Variants in DOCK1 observed in about 807,000 individuals in gnomAD.
The protein encoded by DOCK1 is dedicator of cytokinesis protein 1.
DOCK1 carries 138 observed loss-of-function variants against 262.7 expected under a neutral mutation model. The ratio of observed to expected loss-of-function variants is 0.53; its 90% CI spans 0.46 to 0.61. DOCK1 has a LOEUF of 0.61. Ranked by LOEUF, DOCK1 falls within the 20% of genes least tolerant of loss-of-function variation. The pLI is 0.00. For synonymous variants in DOCK1, 866 were observed against 867.4 expected (o/e 1.00, Z 0.03); for missense variants, 1,908 against 2,370.7 (o/e 0.80, Z 4.05).
At chr10:126,959,466 A>G (rs934357977) in intron 1 of DOCK1, among the ~76,000 whole-genome samples, 8,995 of 152,278 alleles carry the variant, frequency 0.059, 306 homozygotes, top group African/African-American at 0.078. Flanking sequence ...ATGAGAATTT[A>G]TGATTTGTGG....
chr10:126,951,839 C>T (rs2036276574), intron 1 of DOCK1, among the ~76,000 whole-genome samples: 2 of 137,758 alleles, frequency 1.5e-5, no homozygotes. Context: ...TGTAACTTTA[C>T]TTCAGCCTCT....
At chr10:127,195,856 G>T (rs1350928579) in intron 27 of DOCK1, 1 of 152,388 alleles carries the variant, frequency 6.6e-6, no homozygotes, top group Admixed American at 6.5e-5. Context: ...CCCGGGAGCC[G>T]CCGAGTTTCC....
intron 1 of DOCK1, among the ~76,000 whole-genome samples, chr10:126,934,844 C>T (rs904265889): frequency 4.9e-4 from 69 of 141,256 alleles, no homozygotes; most frequent in African/African-American, 1.6e-3. Context: ...AGGCCGGGTG[C>T]GGTGGCTCAC....
rs73378484 is a variant in DOCK1 at position 127,130,470 on chromosome 10, G to T, written c.2847+2706G>T. ...GTTAAACTGGAGGGAAGAGGGCACA[G>T]AAAAAGCTCATAAAGTTTGGATGGG... On this transcript the variant is annotated intron_variant, in intron 27 of 51. Transcript: ENST00000623213. Among the ~76,000 whole-genome samples the T allele has an allele frequency of 3.9e-3, 589 of 152,280 alleles. 4 individuals carry two copies. Among genetic ancestry groups the T allele is most frequent in the African/African-American group, 0.014 (571 of 41,570 alleles).
intron 1 of DOCK1, among the ~76,000 whole-genome samples, chr10:126,918,308 C>T (rs190745038): frequency 3.0e-4 from 46 of 152,314 alleles, no homozygotes; most frequent in African/African-American, 1.0e-3. Flanking sequence ...CAGCGTGCAG[C>T]GGGGGCTCTG....
intron 1 of DOCK1, among the ~76,000 whole-genome samples, chr10:126,935,750 T>C (rs1395333349): frequency 6.6e-6 from 1 of 152,240 alleles, no homozygotes; most frequent in Non-Finnish European, 1.5e-5. Context: ...CAGTGCTGAA[T>C]ACTGCCTTGG....
chr10:126,999,842 A>G (rs1287100903), intron 9 of DOCK1, among the ~76,000 whole-genome samples: 1 of 151,830 alleles, frequency 6.6e-6, no homozygotes, highest in African/African-American at 2.4e-5. Context: ...CACCTTGCTA[A>G]TTTTTTGTAT....
intron 13 of DOCK1, among the ~76,000 whole-genome samples, chr10:127,020,311 T>C (rs1007644150): frequency 2.0e-5 from 3 of 152,200 alleles, no homozygotes; most frequent in Non-Finnish European, 2.9e-5. Context: ...TATCTTGGCA[T>C]CCTTAGGATG....
intron 31 of DOCK1, among the ~76,000 whole-genome samples, chr10:127,354,389 A>G (rs1035416208): frequency 6.6e-6 from 1 of 152,206 alleles, no homozygotes; most frequent in African/African-American, 2.4e-5. Context: ...GAGCCAAGAG[A>G]TTGAAGAAAG....
In DOCK1 at chr10:127,061,793, G is replaced by C; in HGVS notation, c.2445+17G>C. 6.4e-7 allele frequency: 1 copy of C among 1,553,306 alleles called. No individual in the cohort carries two copies. Among genetic ancestry groups the C allele is most frequent in the African/African-American group, 1.4e-5 (1 of 73,224 alleles). On this transcript the variant is annotated intron_variant, in intron 23 of 51. Transcript: ENST00000623213. Reference sequence around the variant, plus strand: ...CGGGTGAAGGTGAGTGCCGGCCACTGCCAAGGCAGACTTCTCCTTCTTTTT... The same window carrying C: ...CGGGTGAAGGTGAGTGCCGGCCACTCCCAAGGCAGACTTCTCCTTCTTTTT...
intron 31 of DOCK1, among the ~76,000 whole-genome samples, chr10:127,345,515 G>C (rs913402925): frequency 6.6e-6 from 1 of 152,170 alleles, no homozygotes. Context: ...CTTTCACCTG[G>C]CCATCTTTCC....
At chr10:127,057,750 T>C (rs2045258629) in intron 22 of DOCK1, among the ~76,000 whole-genome samples, 1 of 152,228 alleles carries the variant, frequency 6.6e-6, no homozygotes, top group African/African-American at 2.4e-5. Context: ...TCTGGGTTTC[T>C]TGTGCTTTGT....
intron 46 of DOCK1, among the ~76,000 whole-genome samples, chr10:127,425,646 C>A (rs955773486): frequency 6.6e-6 from 1 of 152,108 alleles, no homozygotes; most frequent in African/African-American, 2.4e-5. Context: ...ACTGAGTAGC[C>A]GTGGTGTAGG....
At chr10:127,019,106 G>T in intron 13 of DOCK1, 1 of 463,766 alleles carries the variant, frequency 2.2e-6, no homozygotes, top group East Asian at 3.6e-5. Context: ...GCAAATGTCT[G>T]GGTAGACATC....
chr10:127,313,715 C>T lies in DOCK1; in HGVS notation c.3045-25291C>T, dbSNP rs570022152. The stretch of plus-strand genomic sequence containing the variant: ...ACCCCCAGGTCTCCTCTTTTCCCCC[C>T]GCCTCCCTGGTTTCCCTTTGGAGGT... On this transcript the variant is annotated intron_variant, in intron 29 of 51. Coordinates refer to ENST00000623213, the MANE Select transcript of DOCK1 (RefSeq NM_001290223.2). Among the ~76,000 whole-genome samples the T allele has an allele frequency of 3.7e-4, 57 of 152,224 alleles. No individual in the cohort carries two copies. In the South Asian group the frequency reaches 8.3e-3, roughly 22 times the overall value.
At chr10:127,122,690 A>C (rs905208003) in intron 25 of DOCK1, among the ~76,000 whole-genome samples, 2 of 151,882 alleles carry the variant, frequency 1.3e-5, no homozygotes, top group African/African-American at 2.4e-5. Flanking sequence ...GTATTGGGAC[A>C]AAATGACAGT....
intron 27 of DOCK1, among the ~76,000 whole-genome samples, chr10:127,243,670 G>A (rs12255758): frequency 3.4e-3 from 519 of 152,208 alleles, no homozygotes; most frequent in Non-Finnish European, 5.0e-3. Flanking sequence ...TTCTGTCCAG[G>A]GCTCCCTCCA....
rs912192301 is a variant in DOCK1 at position 127,073,072 on chromosome 10, C to T, written c.2445+11296C>T. Among the ~76,000 whole-genome samples, 6 of 152,180 alleles carry T rather than the reference C, an allele frequency of 3.9e-5. 1 individual carries two copies. The highest frequency in any genetic ancestry group is 4.1e-4 in the South Asian group (2 of 4,824). Reference sequence around the variant, plus strand: ...ATGTGGCATTTATAAATGCATTCACCGTAGGTGTTTGTAGATTCTTTTTAT... The same window carrying T: ...ATGTGGCATTTATAAATGCATTCACTGTAGGTGTTTGTAGATTCTTTTTAT... On this transcript the variant is annotated intron_variant, in intron 23 of 51. Transcript: ENST00000623213.
intron 27 of DOCK1, among the ~76,000 whole-genome samples, chr10:127,232,103 C>A (rs986046221): frequency 6.6e-6 from 1 of 150,972 alleles, no homozygotes; most frequent in Non-Finnish European, 1.5e-5. Flanking sequence ...AGAAGCGTTC[C>A]GTAGAGGGTA....
Sources: allele counts gnomAD v4.1 joint callset (sites outside exome capture counted in the v4.1 genomes callset), GRCh38; gene constraint gnomAD v4.1.1; transcripts MANE v1.5; gene names NCBI Gene and HGNC (gene_info 2026-07-23, HGNC 2026-07-21).